The following EIF2AK2 variants were observed in gnomAD, a reference collection of about 807,000 sequenced individuals.
The protein encoded by EIF2AK2 is eukaryotic translation initiation factor 2 alpha kinase 2, also known as interferon-induced, double-stranded RNA-activated protein kinase.
In EIF2AK2, 40 loss-of-function variants were observed where a neutral mutation model predicts 70.5. That is an observed-to-expected ratio of 0.57 (90% CI 0.44 to 0.74). The LOEUF (loss-of-function observed/expected upper bound fraction) is 0.74. Among genes scored for constraint, EIF2AK2 ranks in the 30% least tolerant of loss-of-function variants. The pLI is 0.00. For synonymous variants in EIF2AK2, 198 were observed against 220.9 expected (o/e 0.90, Z 0.92); for missense variants, 555 against 644.3 (o/e 0.86, Z 1.50).
At chr2:37,116,323 G>T (rs894285818) in intron 13 of EIF2AK2, among the ~76,000 whole-genome samples, 1 of 151,528 alleles carries the variant, frequency 6.6e-6, no homozygotes, top group African/African-American at 2.4e-5. Flanking sequence ...CAGCTCAAGC[G>T]ATCCTCCCAC....
intron 1 of EIF2AK2, among the ~76,000 whole-genome samples, chr2:37,156,325 A>T (rs1675922677): frequency 6.6e-6 from 1 of 152,066 alleles, no homozygotes; most frequent in African/African-American, 2.4e-5. Context: ...AGCTACGGGG[A>T]AGGTCGGAGC....
At position 37,102,907 on chromosome 2, in the gene EIF2AK2, A is replaced by T. The variant is rs1335756089; in HGVS notation, c.*4366T>A. ...TTTTATGTATGTATTTATGTTAAACATGTACGTATTTAAATAACATGTGGT... is the reference window on the plus strand; with the variant it reads ...TTTTATGTATGTATTTATGTTAAACTTGTACGTATTTAAATAACATGTGGT... On this transcript the variant is annotated 3_prime_UTR_variant, in exon 17 of 17. Transcript: ENST00000233057. The T allele has an allele frequency of 6.6e-6, 1 of 152,156 alleles. No individual in the cohort carries two copies. The highest frequency in any genetic ancestry group is 2.4e-5 in the African/African-American group (1 of 41,418). The allele number at this position is 152,156 out of a possible 1,614,324, so 9.4% of individuals were successfully genotyped here. A position where few individuals can be genotyped will look rare whatever the true frequency, so the allele number is the denominator to read the frequency against.
At position 37,139,411 on chromosome 2, in the gene EIF2AK2, C is replaced by G. The variant is rs573130469; in HGVS notation, c.516+220G>C. ...CAGGTGTGAGCCACCACACCCAGCC[C>G]AGCCTGGAGTTTAAAAACTACCCTG... On this transcript the variant is annotated intron_variant, in intron 6 of 16. Coordinates refer to ENST00000233057, the MANE Select transcript of EIF2AK2 (RefSeq NM_001135651.3). Among the ~76,000 whole-genome samples, 6 of 152,220 alleles carry G rather than the reference C, an allele frequency of 3.9e-5. No individual in the cohort carries two copies. In the East Asian group the frequency reaches 1.2e-3, roughly 29 times the overall value.
chr2:37,124,406 C>T (rs1191708429), intron 11 of EIF2AK2, among the ~76,000 whole-genome samples: 2 of 152,168 alleles, frequency 1.3e-5, no homozygotes, highest in Admixed American at 6.5e-5. Context: ...GGACTACAGG[C>T]GTACGCTGCC....
intron 9 of EIF2AK2, among the ~76,000 whole-genome samples, chr2:37,136,279 A>C (rs1206785939): frequency 6.6e-6 from 1 of 152,234 alleles, no homozygotes; most frequent in Admixed American, 6.5e-5. Context: ...AAAGTGAAGC[A>C]ATCTTCAAAT....
At chr2:37,143,550 G>C (rs931077540) in intron 4 of EIF2AK2, among the ~76,000 whole-genome samples, 1 of 152,110 alleles carries the variant, frequency 6.6e-6, no homozygotes, top group Non-Finnish European at 1.5e-5. Flanking sequence ...AATATATGCA[G>C]ATTTTTTTTC....
chr2:37,139,818 G>C, intron 5 of EIF2AK2, 61 bp from the exon 6 acceptor site: 4 of 1,513,680 alleles, frequency 2.6e-6, no homozygotes, highest in Non-Finnish European at 3.6e-6. Flanking sequence ...TCCAACTTAG[G>C]ATTCAAAAAA....
At chr2:37,126,785 C>T (rs1156823022) in intron 10 of EIF2AK2, among the ~76,000 whole-genome samples, 2 of 151,596 alleles carry the variant, frequency 1.3e-5, no homozygotes, top group East Asian at 1.9e-4. Context: ...GGTGAAACCC[C>T]GTCTCTACTA....
At chr2:37,131,946 C>T (rs137867058) in intron 10 of EIF2AK2, among the ~76,000 whole-genome samples, 1 of 152,264 alleles carries the variant, frequency 6.6e-6, no homozygotes, top group Non-Finnish European at 1.5e-5. Context: ...TCAACCATTC[C>T]AATGCCCAAA....
intron 15 of EIF2AK2, among the ~76,000 whole-genome samples, chr2:37,108,332 A>C (rs1674032283): frequency 6.6e-6 from 1 of 151,944 alleles, no homozygotes. Flanking sequence ...CTGTCCCCAA[A>C]TACACTCTGT....
intron 10 of EIF2AK2, among the ~76,000 whole-genome samples, chr2:37,128,244 T>C (rs1425830954): frequency 1.3e-5 from 2 of 152,342 alleles, no homozygotes; most frequent in Admixed American, 6.5e-5. Flanking sequence ...CAGGTCTCCA[T>C]CGTTTCAGAC....
Position 37,155,357 on chromosome 2 carries a change from G to C in EIF2AK2, c.-184+1551C>G, listed in dbSNP as rs541304423. 9.9e-5 allele frequency among the ~76,000 whole-genome samples: 15 copies of C among 152,264 alleles called. 1 individual carries two copies. The highest frequency in any genetic ancestry group is 8.3e-4 in the South Asian group (4 of 4,818). ...TGAATTACTACAGGTAAGGGACCAGGCTCAATAATGAATGAGTGAGTACCA... is the reference window on the plus strand; with the variant it reads ...TGAATTACTACAGGTAAGGGACCAGCCTCAATAATGAATGAGTGAGTACCA... On this transcript the variant is annotated intron_variant, in intron 1 of 16. Coordinates refer to ENST00000233057, the MANE Select transcript of EIF2AK2 (RefSeq NM_001135651.3).
chr2:37,140,150 G>A (rs1675278753), intron 5 of EIF2AK2, among the ~76,000 whole-genome samples: 1 of 152,138 alleles, frequency 6.6e-6, no homozygotes, highest in Admixed American at 6.6e-5. Context: ...AGCCAGCAGA[G>A]AAAGTAGGCT....
chr2:37,131,097 T>C (rs1674923928), intron 10 of EIF2AK2, among the ~76,000 whole-genome samples: 1 of 152,210 alleles, frequency 6.6e-6, no homozygotes, highest in Non-Finnish European at 1.5e-5. Flanking sequence ...ATAGCAAATT[T>C]TGCCACTATC....
At chr2:37,141,502 T>G in intron 5 of EIF2AK2, 51 bp downstream of exon 5, 1 of 1,583,678 alleles carries the variant, frequency 6.3e-7, no homozygotes, top group East Asian at 2.3e-5. Context: ...ATAAACCAAC[T>G]TTATTGCTTA....
In EIF2AK2 at chr2:37,138,539, G is replaced by A. The variant is rs140596177; in HGVS notation, c.563C>T (p.Ser188Phe). 1.9e-6 allele frequency: 3 copies of A among 1,613,976 alleles called. No homozygotes were observed. Among genetic ancestry groups the A allele is most frequent in the African/African-American group, 2.7e-5 (2 of 74,918 alleles). The stretch of plus-strand genomic sequence containing the variant: ...GCTGGTCACTAAAGAGTTGCTTTGG[G>A]ACTCACACGTAGTAGCAAAAGAACC... Reference protein sequence around the residue: ...SSGSFATTCESQSNSLVTSTL... With the variant: ...SSGSFATTCEFQSNSLVTSTL... Residue 188 changes from serine (S) to phenylalanine (F), a missense_variant, in exon 7 of 17, where the codon TCC (serine) becomes TTC (phenylalanine). Around this residue, in one of 3 missense-constraint regions of EIF2AK2, gnomAD observed 208 missense variants for 191.8 expected, o/e 1.08. Coordinates refer to ENST00000233057, the MANE Select transcript of EIF2AK2 (RefSeq NM_001135651.3).
At chr2:37,133,478 T>TC (rs1675019418) in intron 10 of EIF2AK2, among the ~76,000 whole-genome samples, 1 of 151,418 alleles carries the variant, frequency 6.6e-6, no homozygotes, top group Non-Finnish European at 1.5e-5. Flanking sequence ...TACCCCCAAT[T>TC]CCCCCCTCAC....
chr2:37,136,330 C>T (rs926008439), intron 9 of EIF2AK2, among the ~76,000 whole-genome samples: 4 of 152,204 alleles, frequency 2.6e-5, no homozygotes, highest in Admixed American at 6.5e-5. Flanking sequence ...CACTCAGCTA[C>T]GGGGAACCTA....
At chr2:37,126,502 G>T in intron 10 of EIF2AK2, 91 bp from the exon 11 acceptor site, 1 of 1,504,868 alleles carries the variant, frequency 6.6e-7, no homozygotes. Context: ...TGTCACTTGT[G>T]AAATGGACAA....
Sources: gnomAD v4.1 joint callset for allele counts (sites outside exome capture counted in the v4.1 genomes callset) on GRCh38, gnomAD v4.1.1 for gene constraint, gnomAD v4.1.1 regional missense constraint, MANE v1.5 for transcripts, NCBI Gene and HGNC (gene_info 2026-07-23, HGNC 2026-07-21) for gene names.